AKAP13: variants seen among roughly 807,000 people sequenced by gnomAD.
AKAP13 encodes the protein A-kinase anchor protein 13.
Under a neutral mutation model 264.5 loss-of-function variants are expected in AKAP13, and 80 were observed. The ratio of observed to expected loss-of-function variants is 0.30; its 90% confidence interval spans 0.25 to 0.36. The LOEUF (loss-of-function observed/expected upper bound fraction) is 0.36. Ranked by LOEUF, AKAP13 falls within the 10% of genes least tolerant of loss-of-function variation. The pLI is 1.00. For missense variants in AKAP13, 3,712 were observed against 3,435.2 expected (o/e 1.08, Z -2.01); for synonymous variants, 1,380 against 1,250.2 (o/e 1.10, Z -2.19).
chr15:85,734,317 C>G (rs1189122189), intron 30 of AKAP13, among the ~76,000 whole-genome samples: 1 of 152,156 alleles, frequency 6.6e-6, no homozygotes, highest in Non-Finnish European at 1.5e-5. Context: ...AAATTAGTGT[C>G]TTAAGTTTAC....
chr15:85,697,438 G>A (rs993638541), intron 17 of AKAP13, among the ~76,000 whole-genome samples: 4 of 152,072 alleles, frequency 2.6e-5, no homozygotes, highest in East Asian at 1.9e-4. Context: ...GCTTGGTGGC[G>A]TGCGCCTGTA....
At chr15:85,737,255 ATG>A (rs1187202817) in intron 33 of AKAP13, among the ~76,000 whole-genome samples, 1 of 152,024 alleles carries the variant, frequency 6.6e-6, no homozygotes, top group Non-Finnish European at 1.5e-5. Context: ...TAGACTTAAT[ATG>A]TGTTTCATCT....
chr15:85,662,450 G>C, intron 12 of AKAP13: 1 of 1,614,182 alleles, frequency 6.2e-7, no homozygotes, highest in Non-Finnish European at 8.5e-7. Flanking sequence ...TTTAATTACA[G>C]AAGGTATGAT....
At chr15:85,583,210 T>G in intron 7 of AKAP13, 1 of 979,660 alleles carries the variant, frequency 1.0e-6, no homozygotes, top group Non-Finnish European at 1.2e-6. Flanking sequence ...TTTGCTGTTC[T>G]TTTCAATTTT....
chr15:85,442,478 TA>T (rs1567059522), intron 1 of AKAP13, among the ~76,000 whole-genome samples: 1 of 121,778 alleles, frequency 8.2e-6, no homozygotes, highest in Non-Finnish European at 1.7e-5. Context: ...ATATATATTA[TA>T]TAATATATAT....
chr15:85,562,336 G>T (rs56052131), intron 5 of AKAP13, among the ~76,000 whole-genome samples: 1 of 151,778 alleles, frequency 6.6e-6, no homozygotes. Flanking sequence ...AGGCCGAGGC[G>T]TGCGGATCAC....
intron 8 of AKAP13, among the ~76,000 whole-genome samples, chr15:85,600,978 G>A (rs768610287): frequency 2.6e-5 from 4 of 152,154 alleles, no homozygotes; most frequent in African/African-American, 9.7e-5. Context: ...AAAGCCTTAC[G>A]TGCCAGATCT....
rs368487604 is a variant in AKAP13, at chr15:85,428,849, T to C, written c.-12+48051T>C. Reference sequence around the variant, plus strand: ...CCACTACTTTTCTACCAGATAATCATTATTTTCATTATCTTACCTTCTGAG... The same window carrying C: ...CCACTACTTTTCTACCAGATAATCACTATTTTCATTATCTTACCTTCTGAG... On this transcript the variant is annotated intron_variant, in intron 1 of 36. Coordinates refer to ENST00000394518, the MANE Select transcript of AKAP13 (RefSeq NM_007200.5). Among the ~76,000 whole-genome samples the C allele has an allele frequency of 1.4e-4, 22 of 152,344 alleles. No individual in the cohort carries two copies. In the East Asian group the frequency reaches 3.7e-3, roughly 25 times the overall value.
intron 2 of AKAP13, among the ~76,000 whole-genome samples, chr15:85,518,406 T>A (rs2076686621): frequency 6.6e-6 from 1 of 152,204 alleles, no homozygotes; most frequent in African/African-American, 2.4e-5. Context: ...TAATTTTAAT[T>A]CCAGGTGCCT....
chr15:85,392,578 T>C (rs2150809468), intron 1 of AKAP13, among the ~76,000 whole-genome samples: 1 of 152,264 alleles, frequency 6.6e-6, no homozygotes, highest in South Asian at 2.1e-4. Context: ...TTTTCTTTCT[T>C]TTTTTTGTTA....
intron 17 of AKAP13, among the ~76,000 whole-genome samples, chr15:85,705,894 A>G (rs1256297601): frequency 6.6e-6 from 1 of 150,484 alleles, no homozygotes; most frequent in Non-Finnish European, 1.5e-5. Context: ...TAAACAACAT[A>G]TAATTTGTTT....
At chr15:85,557,916 G>C (rs900351277) in intron 5 of AKAP13, among the ~76,000 whole-genome samples, 1 of 152,160 alleles carries the variant, frequency 6.6e-6, no homozygotes. Flanking sequence ...TTTCAGCTTT[G>C]CTCAGGCCTA....
intron 1 of AKAP13, among the ~76,000 whole-genome samples, chr15:85,463,999 G>A (rs2074627355): frequency 6.6e-6 from 1 of 152,156 alleles, no homozygotes; most frequent in Admixed American, 6.5e-5. Flanking sequence ...CATAATGATT[G>A]TTACAGTTTT....
At chr15:85,682,307 C>A in intron 15 of AKAP13, 95 bp downstream of exon 15, 2 of 1,245,452 alleles carry the variant, frequency 1.6e-6, no homozygotes, top group Non-Finnish European at 2.3e-6. Context: ...GTTAATTGAG[C>A]TTATTGGGTT....
Position 85,476,552 on chromosome 15 carries a change from C to T in AKAP13, c.-11-9158C>T, listed in dbSNP as rs140595116. ...TACCACTGTGTTAAACCTTTAACTA[C>T]ACATCTTTAATTTTATGTATTCTCA... On this transcript the variant is annotated intron_variant, in intron 1 of 36. Transcript: ENST00000394518. Among the ~76,000 whole-genome samples the T allele has an allele frequency of 9.8e-5, 15 of 152,294 alleles. 1 individual carries two copies. In the East Asian group the frequency reaches 2.7e-3, roughly 27 times the overall value.
rs2083204032 is a variant in AKAP13, at chr15:85,658,595, A to G, written c.4799+5A>G. On this transcript the variant is annotated splice_donor_5th_base_variant and intron_variant, in intron 12 of 36. Transcript: ENST00000394518. ...ACCTCCCATTCATAGGAGAAGGTAC[A>G]GAGTTCATTAACTTGATGGACTAAC... The G allele has an allele frequency of 2.5e-6, 4 of 1,612,838 alleles. No individual in the cohort carries two copies. The highest frequency in any genetic ancestry group is 2.5e-6 in the Non-Finnish European group (3 of 1,179,026).
At chr15:85,690,944 G>T (rs2151633051) in intron 16 of AKAP13, among the ~76,000 whole-genome samples, 1 of 152,272 alleles carries the variant, frequency 6.6e-6, no homozygotes, top group African/African-American at 2.4e-5. Flanking sequence ...GGGTTGTTGT[G>T]AGAAAATACA....
intron 1 of AKAP13, among the ~76,000 whole-genome samples, chr15:85,402,140 C>T (rs1368896195): frequency 6.6e-6 from 1 of 152,098 alleles, no homozygotes; most frequent in Non-Finnish European, 1.5e-5. Flanking sequence ...GTGTTTTCCC[C>T]AAAAAGTATC....
At chr15:85,726,866 A>G (rs1248653073) in intron 27 of AKAP13, 200 bp from the exon 28 acceptor site, 2 of 619,476 alleles carry the variant, frequency 3.2e-6, no homozygotes, top group South Asian at 2.2e-5. Context: ...AGAGCCATAA[A>G]TTACTATTTC....
Sources: gnomAD v4.1 joint callset for allele counts (sites outside exome capture counted in the v4.1 genomes callset) on GRCh38, gnomAD v4.1.1 for gene constraint, MANE v1.5 for transcripts, NCBI Gene and HGNC (gene_info 2026-07-23, HGNC 2026-07-21) for gene names.